PSAT1: variants seen among roughly 807,000 people sequenced by gnomAD.
PSAT1 encodes phosphoserine aminotransferase.
A neutral mutation model predicts 40.3 loss-of-function variants in PSAT1; 41 were observed. The ratio of observed to expected loss-of-function variants is 1.02; its 90% CI spans 0.79 to 1.32. PSAT1 has a LOEUF of 1.32. Among genes scored for constraint, PSAT1 ranks in the 40% most tolerant of loss-of-function variants. The pLI, the probability that PSAT1 is intolerant of heterozygous loss-of-function variation, is 0.00. For missense variants in PSAT1, 406 were observed against 455.8 expected, an observed-to-expected ratio of 0.89 and a Z score of 0.99; for synonymous variants, 147 against 170.5, an observed-to-expected ratio of 0.86 and a Z score of 1.07.
intron 1 of PSAT1, among the ~76,000 whole-genome samples, chr9:78,297,746 T>C (rs1056646104): frequency 1.3e-5 from 2 of 152,236 alleles, no homozygotes; most frequent in Admixed American, 1.3e-4. Flanking sequence ...AATGAACCGA[T>C]GACAGGTTTT....
At chr9:78,320,337 T>TCCATCTATCC (rs1564018504) in intron 7 of PSAT1, among the ~76,000 whole-genome samples, 3,111 of 37,296 alleles carry the variant, frequency 0.083, 118 homozygotes, top group African/African-American at 0.26. Context: ...TCCATCCATC[T>TCCATCTATCC]ATCCATCCAT....
chr9:78,326,951 A>AT lies in PSAT1; in HGVS notation c.870-1099dup, dbSNP rs1462087681. ...GTGACAGCAATATATATATATATATATATATTTTTTTTTTTTTTTTTTGAG... is the reference window on the plus strand; with the variant it reads ...GTGACAGCAATATATATATATATATATTATATTTTTTTTTTTTTTTTTTGAG... On this transcript the variant is annotated intron_variant, in intron 7 of 8. Transcript: ENST00000376588. Among the ~76,000 whole-genome samples, 18 of 84,444 alleles carry AT rather than the reference A, an allele frequency of 2.1e-4. 1 individual carries two copies. The highest frequency in any genetic ancestry group is 1.2e-3 in the African/African-American group (15 of 12,572). The allele number at this position is 84,444 out of a possible 152,430, so 55.4% of individuals were successfully genotyped here.
chr9:78,325,426 C>T (rs1828483158), intron 7 of PSAT1, among the ~76,000 whole-genome samples: 1 of 152,242 alleles, frequency 6.6e-6, no homozygotes, highest in Admixed American at 6.5e-5. Flanking sequence ...ACAGCCCCGG[C>T]CCTGTAGGTC....
chr9:78,327,648 A>G (rs1472122862), intron 7 of PSAT1, among the ~76,000 whole-genome samples: 1 of 152,206 alleles, frequency 6.6e-6, no homozygotes, highest in Non-Finnish European at 1.5e-5. Flanking sequence ...CAGCCACTAT[A>G]GGACCAACTT....
intron 7 of PSAT1, among the ~76,000 whole-genome samples, chr9:78,320,084 C>T (rs1828404449): frequency 6.6e-6 from 1 of 151,900 alleles, no homozygotes; most frequent in African/African-American, 2.4e-5. Context: ...TCCATCTATT[C>T]ATCTACCACC....
chr9:78,300,709 GCT>G, intron 2 of PSAT1, 47 bp downstream of exon 2: 21 of 1,176,054 alleles, frequency 1.8e-5, no homozygotes, highest in South Asian at 3.7e-5. Flanking sequence ...TTCAAAGGAA[GCT>G]TTTTTTTTTT....
chr9:78,309,178 G>C (rs1221820618), intron 6 of PSAT1, among the ~76,000 whole-genome samples: 1 of 152,130 alleles, frequency 6.6e-6, no homozygotes, highest in South Asian at 2.1e-4. Context: ...AGGATCCGGT[G>C]GTTCACCATT....
chr9:78,306,528 G>A (rs773820419), intron 5 of PSAT1, 42 bp downstream of exon 5: 6 of 1,611,206 alleles, frequency 3.7e-6, no homozygotes, highest in Non-Finnish European at 4.2e-6. Context: ...CACTGACTCG[G>A]TGTCTGCAGG....
intron 7 of PSAT1, among the ~76,000 whole-genome samples, chr9:78,326,955 A>ATATTTTTTTTTTTTTT: frequency 4.3e-4 from 33 of 75,930 alleles, no homozygotes; most frequent in East Asian, 3.0e-3. Flanking sequence ...ATATATATAT[A>ATATTTTTTTTTTTTTT]TTTTTTTTTT....
intron 6 of PSAT1, among the ~76,000 whole-genome samples, chr9:78,311,786 C>A (rs995117721): frequency 1.3e-4 from 20 of 152,070 alleles, no homozygotes; most frequent in Non-Finnish European, 2.8e-4. Flanking sequence ...GAGCCGAAAT[C>A]ACGCCAGTGC....
At chr9:78,310,461 T>C (rs1298461342) in intron 6 of PSAT1, among the ~76,000 whole-genome samples, 3 of 152,124 alleles carry the variant, frequency 2.0e-5, no homozygotes, top group Non-Finnish European at 4.4e-5. Flanking sequence ...TTTCTTGTCT[T>C]GGTGGAAGTT....
chr9:78,313,885 T>C (rs1828302792), intron 6 of PSAT1, among the ~76,000 whole-genome samples: 2 of 152,308 alleles, frequency 1.3e-5, no homozygotes, highest in South Asian at 4.1e-4. Flanking sequence ...GGCCTCAAGC[T>C]GTCCTCCCAC....
intron 7 of PSAT1, among the ~76,000 whole-genome samples, chr9:78,323,627 T>G (rs187202498): frequency 4.6e-5 from 7 of 152,170 alleles, no homozygotes; most frequent in African/African-American, 1.4e-4. Flanking sequence ...ACATACATAT[T>G]TACACATAGA....
chr9:78,319,790 C>A (rs1483176940), intron 7 of PSAT1, among the ~76,000 whole-genome samples: 2 of 152,112 alleles, frequency 1.3e-5, no homozygotes, highest in African/African-American at 4.8e-5. Flanking sequence ...ATCATCCCCG[C>A]AAAGGCACTG....
intron 5 of PSAT1, among the ~76,000 whole-genome samples, chr9:78,307,913 G>A (rs938753397): frequency 6.6e-5 from 10 of 152,114 alleles, no homozygotes; most frequent in Non-Finnish European, 1.2e-4. Flanking sequence ...GGTGGCACAC[G>A]CTGTAATCCC....
chr9:78,304,569 T>C (rs1237646819), intron 3 of PSAT1, among the ~76,000 whole-genome samples, 166 bp from the exon 4 acceptor site: 4 of 152,192 alleles, frequency 2.6e-5, no homozygotes, highest in South Asian at 4.1e-4. Flanking sequence ...TGTCCAAGGA[T>C]TGCATAAATA....
intron 7 of PSAT1, among the ~76,000 whole-genome samples, chr9:78,318,845 A>C (rs952851523): frequency 2.0e-5 from 3 of 152,224 alleles, no homozygotes; most frequent in Non-Finnish European, 4.4e-5. Flanking sequence ...TTCAATCCAC[A>C]ACAATAGGCC....
At chr9:78,323,765 A>G (rs1028998645) in intron 7 of PSAT1, among the ~76,000 whole-genome samples, 24 of 152,126 alleles carry the variant, frequency 1.6e-4, no homozygotes, top group Non-Finnish European at 4.4e-5. Flanking sequence ...AGATCTTCAT[A>G]TTTTTATTCT....
intron 7 of PSAT1, among the ~76,000 whole-genome samples, chr9:78,327,042 A>G (rs3010673): frequency 0.92 from 132,645 of 144,686 alleles, 60,881 homozygotes; most frequent in African/African-American, 0.95. Flanking sequence ...TGCAATCTCC[A>G]CCTCCCGAGT....
Sources: allele counts gnomAD v4.1 joint callset (sites outside exome capture counted in the v4.1 genomes callset), GRCh38; gene constraint gnomAD v4.1.1; transcripts MANE v1.5; gene names NCBI Gene and HGNC (gene_info 2026-07-23, HGNC 2026-07-21).